Variants in TEP1 observed in about 807,000 individuals in gnomAD.
The protein encoded by TEP1 is telomerase protein component 1.
TEP1 carries 241 observed loss-of-function variants against 306.3 expected under a neutral mutation model. The observed-to-expected ratio is 0.79, with a 90% CI of 0.71 to 0.88. TEP1 has a LOEUF of 0.88. Among genes scored for constraint, TEP1 ranks in the 40% least tolerant of loss-of-function variants. TEP1 has a pLI of 0.00. For synonymous variants in TEP1, 1,289 were observed against 1,305.5 expected, an observed-to-expected ratio of 0.99 and a Z score of 0.27; for missense variants, 3,051 against 3,276.1, an observed-to-expected ratio of 0.93 and a Z score of 1.68.
rs190937584 is a variant in TEP1 at position 20,370,017 on chromosome 14, G to A, written c.7318-238C>T. ...CAACCTCTGCCTCCTGGGTTCAAGCGATTATCCTGCCTCAGCCTCCCAAGT... is the reference window on the plus strand; with the variant it reads ...CAACCTCTGCCTCCTGGGTTCAAGCAATTATCCTGCCTCAGCCTCCCAAGT... On this transcript the variant is annotated intron_variant, in intron 51 of 54. Coordinates refer to ENST00000262715, the MANE Select transcript of TEP1 (RefSeq NM_007110.5). 2.1e-3 allele frequency among the ~76,000 whole-genome samples: 325 copies of A among 151,556 alleles called. 1 individual carries two copies. Among genetic ancestry groups the A allele is most frequent in the African/African-American group, 7.5e-3 (309 of 41,194 alleles).
At position 20,371,595 on chromosome 14, in the gene TEP1, C is replaced by A. The variant is rs757280062; in HGVS notation, c.7114G>T (p.Val2372Leu). Residue 2372 changes from valine to leucine, a missense_variant, in exon 50 of 55, where the codon GTG becomes TTG. This residue lies in a region of TEP1 where 1,540 missense variants were observed against 1,705.9 expected (regional missense o/e 0.90). Coordinates refer to ENST00000262715, the MANE Select transcript of TEP1 (RefSeq NM_007110.5). ...LNRILQEDLG[V>L]LTSLDWAPDG... ...GGAGCCCAATCCAGACTTGTCAGCA[C>A]CCCTAAGTCCTCCTGTAGAATTCGG... 1.9e-6 allele frequency: 3 copies of A among 1,590,948 alleles called. No individual in the cohort carries two copies. The highest frequency in any genetic ancestry group is 1.1e-5 in the South Asian group (1 of 86,994).
chr14:20,387,511 C>T (rs1314997266), intron 18 of TEP1, among the ~76,000 whole-genome samples: 1 of 144,900 alleles, frequency 6.9e-6, no homozygotes, highest in Non-Finnish European at 1.5e-5. Flanking sequence ...GAGATCACGC[C>T]ACTGTACCCC....
chr14:20,392,319 G>A (rs1008633213), intron 12 of TEP1, among the ~76,000 whole-genome samples: 7 of 152,226 alleles, frequency 4.6e-5, no homozygotes, highest in African/African-American at 1.2e-4. Flanking sequence ...ACCAATGGAT[G>A]AGCATTAACT....
At chr14:20,396,783 G>A (rs1376203182) in intron 9 of TEP1, 53 bp from the exon 10 acceptor site, 3 of 1,299,110 alleles carry the variant, frequency 2.3e-6, no homozygotes, top group African/African-American at 2.9e-5. Context: ...GCCAGGCACA[G>A]TGGCATGCAC....
chr14:20,386,524 T>A lies in TEP1; in HGVS notation c.2784A>T (p.Arg928=). Residue 928 remains arginine (R), a synonymous_variant, in exon 19 of 55, where the codon CGA becomes CGT. Transcript: ENST00000262715. The part of the protein sequence containing the change: ...LRSVLPALQA[R]AAPHRISLHG... ...GAAGGCTGATACGGTGAGGGGCCGC[T>A]CGGGCCTGCAGTGCTGGCAGCACAG... 3 of 1,613,042 alleles carry A rather than the reference T, an allele frequency of 1.9e-6. No homozygotes were observed. Among genetic ancestry groups the A allele is most frequent in the Non-Finnish European group, 2.5e-6 (3 of 1,179,498 alleles).
At chr14:20,412,736 G>A (rs1879772528) in intron 1 of TEP1, among the ~76,000 whole-genome samples, 1 of 125,740 alleles carries the variant, frequency 8.0e-6, no homozygotes. Flanking sequence ...TCAGCTCACT[G>A]CAATCTCTGC....
chr14:20,397,346 C>T (rs1594363566), intron 9 of TEP1, among the ~76,000 whole-genome samples: 1 of 151,932 alleles, frequency 6.6e-6, no homozygotes, highest in Admixed American at 6.6e-5. Flanking sequence ...CCCGTCTCTA[C>T]AAAAATACAA....
chr14:20,395,812 T>C (rs777153358), intron 11 of TEP1, 47 bp downstream of exon 11: 30 of 1,578,486 alleles, frequency 1.9e-5, no homozygotes, highest in Non-Finnish European at 2.6e-5. Context: ...CTTCATTTAT[T>C]GTCAGATGTG....
At chr14:20,370,565 T>C (rs1252188267) in intron 51 of TEP1, among the ~76,000 whole-genome samples, 1 of 152,238 alleles carries the variant, frequency 6.6e-6, no homozygotes, top group Non-Finnish European at 1.5e-5. Flanking sequence ...TAGTATTCCA[T>C]TGTATAGATA....
In TEP1 at chr14:20,379,977, C is replaced by CTTTGGG; in HGVS notation, c.5079_5080insCCCAAA (p.Val1693_Gly1694insProLys). 6.2e-7 allele frequency: 1 copy of CTTTGGG among 1,614,116 alleles called. No individual in the cohort carries two copies. Among genetic ancestry groups the CTTTGGG allele is most frequent in the African/African-American group, 1.3e-5 (1 of 75,036 alleles). ...AGGTAAACTGTCCCATTGGCAGTGCCCACAGCTGCTCTTTGCCCATTGGTG... is the reference window on the plus strand; with the variant it reads ...AGGTAAACTGTCCCATTGGCAGTGCCTTTGGGCACAGCTGCTCTTTGCCCATTGGTG... On this transcript the variant is annotated inframe_insertion, in exon 35 of 55. Transcript: ENST00000262715.
chr14:20,369,975 G>A (rs537801378), intron 51 of TEP1, among the ~76,000 whole-genome samples, 196 bp from the exon 52 acceptor site: 12 of 149,068 alleles, frequency 8.1e-5, no homozygotes, highest in South Asian at 4.2e-4. Context: ...GTGCAGTGGC[G>A]TGATCTCGGT....
In TEP1 at chr14:20,368,297, G is replaced by A. The variant is rs1884592426; in HGVS notation, c.*140C>T. 4 of 939,330 alleles carry A rather than the reference G, an allele frequency of 4.3e-6. No homozygotes were observed. The highest frequency in any genetic ancestry group is 1.7e-5 in the African/African-American group (1 of 60,312). 58.2% of individuals were successfully genotyped at this position (939,330 alleles called of 1,614,324 possible). A position where few individuals can be genotyped will look rare whatever the true frequency, so the allele number is the denominator to read the frequency against. ...TAAATCCACATGAGAACACAGGCAG[G>A]CCTACACTTGAGATTTTTTGACACT... On this transcript the variant is annotated 3_prime_UTR_variant, in exon 55 of 55. Transcript: ENST00000262715.
At chr14:20,370,072 C>T (rs574897319) in intron 51 of TEP1, among the ~76,000 whole-genome samples, 1 of 152,308 alleles carries the variant, frequency 6.6e-6, no homozygotes, top group South Asian at 2.1e-4. Context: ...CGCCACCACA[C>T]CCAGCTGATT....
At chr14:20,397,310 A>C (rs1222591757) in intron 9 of TEP1, among the ~76,000 whole-genome samples, 2 of 152,196 alleles carry the variant, frequency 1.3e-5, no homozygotes, top group Non-Finnish European at 2.9e-5. Flanking sequence ...ATATCCATTT[A>C]AAAGAAGGTT....
chr14:20,406,396 C>G lies in TEP1; in HGVS notation c.572G>C (p.Arg191Pro), dbSNP rs748410198. Residue 191 changes from arginine (R) to proline (P), a missense_variant, in exon 3 of 55, where the codon CGT becomes CCT. Coordinates refer to ENST00000262715, the MANE Select transcript of TEP1 (RefSeq NM_007110.5). ...TETAQEATLG[R>P]WFDSEEKKGA... Reference sequence around the variant, plus strand: ...TTTCTTCTCTTCTGAATCAAACCAACGACCCTGGGGTAGTAGTGGCAGTTA... The same window carrying G: ...TTTCTTCTCTTCTGAATCAAACCAAGGACCCTGGGGTAGTAGTGGCAGTTA... 120 of 1,613,866 alleles carry G rather than the reference C, an allele frequency of 7.4e-5. No individual in the cohort carries two copies. Among genetic ancestry groups the G allele is most frequent in the Non-Finnish European group, 9.9e-5 (117 of 1,179,982 alleles).
At chr14:20,388,899 C>G (rs927376090) in intron 17 of TEP1, among the ~76,000 whole-genome samples, 1 of 152,170 alleles carries the variant, frequency 6.6e-6, no homozygotes, top group Admixed American at 6.5e-5. Context: ...CCTGTAATCC[C>G]AGCACTTTGG....
At chr14:20,377,992 C>T (rs1231173081) in intron 39 of TEP1, 32 bp downstream of exon 39, 14 of 1,609,376 alleles carry the variant, frequency 8.7e-6, no homozygotes, top group Non-Finnish European at 1.1e-5. Flanking sequence ...TACTCCTCCT[C>T]ACAACCCACC....
In TEP1 at chr14:20,405,464, T is replaced by C; in HGVS notation, c.857A>G (p.Glu286Gly). 3 of 1,613,804 alleles carry C rather than the reference T, an allele frequency of 1.9e-6. No homozygotes were observed. The South Asian group carries it at 3.3e-5, about 18-fold the overall frequency. The change falls in exon 4 of 55, where the codon GAG (glutamate) becomes GGG (glycine). Residue 286 changes from glutamate to glycine, a missense_variant. Glu to Gly is a moderately conservative substitution (Grantham distance 98). Coordinates refer to ENST00000262715, the MANE Select transcript of TEP1 (RefSeq NM_007110.5). Reference sequence around the variant, plus strand: ...ACACCTCAATACCTTGAGGATAAACTCAGGCTCCAGGAGGGCAAGTTCACG... The same window carrying C: ...ACACCTCAATACCTTGAGGATAAACCCAGGCTCCAGGAGGGCAAGTTCACG... ...ICRELALLEP[E>G]FILKASLYAR...
chr14:20,373,469 C>T (rs199635567), intron 46 of TEP1, 38 bp downstream of exon 46: 5 of 1,614,020 alleles, frequency 3.1e-6, no homozygotes, highest in Non-Finnish European at 4.2e-6. Flanking sequence ...CGCATACCTT[C>T]CCCACCTCCC....
Sources: gnomAD v4.1 joint callset for allele counts (sites outside exome capture counted in the v4.1 genomes callset) on GRCh38, gnomAD v4.1.1 for gene constraint, gnomAD v4.1.1 regional missense constraint, MANE v1.5 for transcripts, NCBI Gene and HGNC (gene_info 2026-07-23, HGNC 2026-07-21) for gene names.